The following TNFSF4 variants were observed in gnomAD, a reference collection of about 807,000 sequenced individuals.
The protein encoded by TNFSF4 is tumor necrosis factor ligand superfamily member 4.
A neutral mutation model predicts 7.3 loss-of-function variants in TNFSF4; 4 were observed. That is an observed-to-expected ratio of 0.55 (90% CI 0.27 to 1.25). The LOEUF is 1.25. Ranked by LOEUF, TNFSF4 falls within the 50% of genes most tolerant of loss-of-function variation. TNFSF4 has a pLI of 0.12. For synonymous variants in TNFSF4, 76 were observed against 83.7 expected, an observed-to-expected ratio of 0.91 and a Z score of 0.50; for missense variants, 181 against 208.8, an observed-to-expected ratio of 0.87 and a Z score of 0.82.
At chr1:173,412,445 C>A in the TNFSF4 span, among the ~76,000 whole-genome samples, 1 of 152,172 alleles carries the variant, frequency 6.6e-6, no homozygotes, top group Admixed American at 6.5e-5. Context: ...AAATTAAAAG[C>A]ATTAAAAGAT....
chr1:173,192,528 A>G (rs1649530386), intron 1 of TNFSF4, among the ~76,000 whole-genome samples: 2 of 152,170 alleles, frequency 1.3e-5, no homozygotes, highest in Admixed American at 1.3e-4. Flanking sequence ...TATGGAGATT[A>G]AAAAGATCAG....
chr1:173,266,892 A>G, the TNFSF4 span, among the ~76,000 whole-genome samples: 1 of 152,178 alleles, frequency 6.6e-6, no homozygotes, highest in Non-Finnish European at 1.5e-5. Flanking sequence ...AATGGTTATT[A>G]TCATCATTCT....
chr1:173,338,414 A>T, the TNFSF4 span, among the ~76,000 whole-genome samples: 1 of 152,190 alleles, frequency 6.6e-6, no homozygotes, highest in Admixed American at 6.5e-5. Context: ...GAAGTGTGTC[A>T]GTGGGCCCAT....
chr1:173,417,221 T>C, the TNFSF4 span, among the ~76,000 whole-genome samples: 3 of 152,228 alleles, frequency 2.0e-5, no homozygotes, highest in Non-Finnish European at 1.5e-5. Context: ...CGAGCCCCAC[T>C]GATTATCAGC....
At chr1:173,342,365 G>T in the TNFSF4 span, among the ~76,000 whole-genome samples, 1 of 152,090 alleles carries the variant, frequency 6.6e-6, no homozygotes. Context: ...ATGTTCCCAG[G>T]TGAAGCAGCT....
chr1:173,264,317 CTTT>C, the TNFSF4 span, among the ~76,000 whole-genome samples: 2,699 of 110,402 alleles, frequency 0.024, 10 homozygotes, highest in Admixed American at 0.045. Context: ...CTGGCTTCTT[CTTT>C]TTTTTTTTTT....
chr1:173,326,501 T>TCTCACCACTCCTATTCAACA, the TNFSF4 span, among the ~76,000 whole-genome samples: 1 of 152,106 alleles, frequency 6.6e-6, no homozygotes, highest in Non-Finnish European at 1.5e-5. Context: ...AACATAGTGT[T>TCTCACCACTCCTATTCAACA]GGAAGTTCTG....
At chr1:173,281,079 C>T in the TNFSF4 span, among the ~76,000 whole-genome samples, 2 of 152,048 alleles carry the variant, frequency 1.3e-5, no homozygotes, top group African/African-American at 2.4e-5. Flanking sequence ...TTTTTGCAAT[C>T]CTGTTGTGGT....
At chr1:173,326,510 T>C in the TNFSF4 span, among the ~76,000 whole-genome samples, 6 of 152,048 alleles carry the variant, frequency 3.9e-5, no homozygotes, top group Non-Finnish European at 8.8e-5. Context: ...TTGGAAGTTC[T>C]GGCCAGGGCA....
At chr1:173,188,686 CA>C (rs779777132) in intron 1 of TNFSF4, 117 bp from the exon 2 acceptor site, 1 of 845,486 alleles carries the variant, frequency 1.2e-6, no homozygotes, top group Non-Finnish European at 1.9e-6. Flanking sequence ...AAAACAAAAA[CA>C]ACAGAAGACT....
the TNFSF4 span, among the ~76,000 whole-genome samples, chr1:173,393,017 G>T: frequency 6.6e-6 from 1 of 152,104 alleles, no homozygotes; most frequent in African/African-American, 2.4e-5. Context: ...GGTAGGGTGG[G>T]GGACAAAAGG....
At chr1:173,308,285 CTGTGTGTGTGTG>C in the TNFSF4 span, among the ~76,000 whole-genome samples, 2 of 135,058 alleles carry the variant, frequency 1.5e-5, no homozygotes, top group Non-Finnish European at 3.1e-5. Flanking sequence ...CTCTCTCTCT[CTGTGTGTGTGTG>C]TGTGTGTGTG....
chr1:173,435,866 T>G, the TNFSF4 span, among the ~76,000 whole-genome samples: 1 of 152,220 alleles, frequency 6.6e-6, no homozygotes, highest in East Asian at 1.9e-4. Flanking sequence ...TTAGTGTCCT[T>G]TCCTCATTTT....
At chr1:173,378,508 C>A in the TNFSF4 span, among the ~76,000 whole-genome samples, 1 of 152,178 alleles carries the variant, frequency 6.6e-6, no homozygotes, top group East Asian at 1.9e-4. Context: ...ATTTGACTCA[C>A]AAACCCTGAA....
the TNFSF4 span, among the ~76,000 whole-genome samples, chr1:173,391,687 C>A: frequency 1.3e-5 from 2 of 152,034 alleles, no homozygotes; most frequent in African/African-American, 4.8e-5. Flanking sequence ...TCAGTCTAAC[C>A]CTGCCACTCT....
At chr1:173,291,693 G>T in the TNFSF4 span, among the ~76,000 whole-genome samples, 3 of 151,668 alleles carry the variant, frequency 2.0e-5, no homozygotes, top group African/African-American at 7.3e-5. Flanking sequence ...CCATACAAAG[G>T]TCACTGAAAC....
the TNFSF4 span, among the ~76,000 whole-genome samples, chr1:173,366,927 A>G: frequency 2.0e-5 from 3 of 152,180 alleles, no homozygotes; most frequent in African/African-American, 7.2e-5. Context: ...GAGAATGGCC[A>G]TTTTCAAGAT....
the TNFSF4 span, among the ~76,000 whole-genome samples, chr1:173,422,732 C>T: frequency 6.6e-6 from 1 of 152,256 alleles, no homozygotes; most frequent in South Asian, 2.1e-4. Context: ...AATTCAGTTC[C>T]CTTCTCTTTG....
chr1:173,376,682 A>T, the TNFSF4 span, among the ~76,000 whole-genome samples: 1 of 152,206 alleles, frequency 6.6e-6, no homozygotes, highest in African/African-American at 2.4e-5. Context: ...TGTAAAATGG[A>T]CCAATCGGCA....
Sources: gnomAD v4.1 joint callset for allele counts (sites outside exome capture counted in the v4.1 genomes callset) on GRCh38, gnomAD v4.1.1 for gene constraint, MANE v1.5 for transcripts, NCBI Gene and HGNC (gene_info 2026-07-23, HGNC 2026-07-21) for gene names.